The following CNTN6 variants were observed in gnomAD, a reference collection of about 807,000 sequenced individuals.
The protein encoded by CNTN6 is contactin-6.
CNTN6 carries 137 observed loss-of-function variants against 122.8 expected under a neutral mutation model. That is an observed-to-expected ratio of 1.12 (90% CI 0.97 to 1.29). CNTN6 has a LOEUF of 1.29. Ranked by LOEUF, CNTN6 falls within the 50% of genes most tolerant of loss-of-function variation. The pLI is 0.00. For synonymous variants in CNTN6, 570 were observed against 426.0 expected (o/e 1.34, Z -4.16); for missense variants, 1,634 against 1,223.4 (o/e 1.34, Z -5.01).
At chr3:1,128,237 C>A (rs769245878) in intron 1 of CNTN6, 1 of 151,968 alleles carries the variant, frequency 6.6e-6, no homozygotes, top group Non-Finnish European at 1.5e-5. Context: ...ACTTCTGCAT[C>A]ATAAATGTGA....
intron 1 of CNTN6, among the ~76,000 whole-genome samples, chr3:1,134,106 G>C (rs4381919): frequency 0.48 from 72,872 of 151,624 alleles, 17,698 homozygotes; most frequent in Non-Finnish European, 0.5. Context: ...GAAGTCAAAA[G>C]ATCTGGGTAC....
At chr3:1,217,879 T>C (rs556137699) in intron 2 of CNTN6, among the ~76,000 whole-genome samples, 1 of 152,194 alleles carries the variant, frequency 6.6e-6, no homozygotes, top group Non-Finnish European at 1.5e-5. Context: ...GGAAGAAATA[T>C]TTTGGTTTCT....
At chr3:1,158,147 C>CAATG (rs1252997061) in intron 2 of CNTN6, among the ~76,000 whole-genome samples, 1 of 152,130 alleles carries the variant, frequency 6.6e-6, no homozygotes, top group Non-Finnish European at 1.5e-5. Context: ...ACATTCTCAC[C>CAATG]AATGGTGTAT....
At chr3:1,172,277 T>C (rs1365975769) in intron 2 of CNTN6, among the ~76,000 whole-genome samples, 1 of 152,182 alleles carries the variant, frequency 6.6e-6, no homozygotes, top group African/African-American at 2.4e-5. Flanking sequence ...CAGGATTATA[T>C]TGCCCTCTGC....
At chr3:1,309,755 A>G (rs189393747) in intron 7 of CNTN6, among the ~76,000 whole-genome samples, 2 of 152,318 alleles carry the variant, frequency 1.3e-5, no homozygotes, top group African/African-American at 4.8e-5. Context: ...GAGTCTTTTC[A>G]TCCATGAACA....
At chr3:1,206,048 A>G (rs1040939294) in intron 2 of CNTN6, among the ~76,000 whole-genome samples, 3 of 152,172 alleles carry the variant, frequency 2.0e-5, no homozygotes, top group Admixed American at 6.5e-5. Context: ...AGAGTCATTG[A>G]AAGGCAGGGT....
intron 7 of CNTN6, among the ~76,000 whole-genome samples, chr3:1,309,297 C>T (rs760169029): frequency 9.2e-5 from 14 of 152,064 alleles, no homozygotes; most frequent in Non-Finnish European, 1.3e-4. Context: ...GTCCATTTTG[C>T]ATTAATTTTT....
chr3:1,366,307 C>T (rs1241869161), intron 12 of CNTN6, among the ~76,000 whole-genome samples: 3 of 152,090 alleles, frequency 2.0e-5, no homozygotes, highest in African/African-American at 2.4e-5. Flanking sequence ...TAGAGTCTAG[C>T]GTAGTCAACA....
intron 12 of CNTN6, among the ~76,000 whole-genome samples, chr3:1,369,437 T>C (rs112126949): frequency 0.011 from 1,580 of 150,234 alleles, 25 homozygotes; most frequent in African/African-American, 0.036. Context: ...GTACTTAGCA[T>C]AGGATTGGAC....
At chr3:1,316,540 C>T (rs572131332) in intron 7 of CNTN6, among the ~76,000 whole-genome samples, 78 of 151,864 alleles carry the variant, frequency 5.1e-4, no homozygotes, top group Admixed American at 9.2e-4. Context: ...CAGTCACCTC[C>T]CACCAGATCC....
At chr3:1,304,197 T>C (rs1427357367) in intron 7 of CNTN6, among the ~76,000 whole-genome samples, 6 of 152,140 alleles carry the variant, frequency 3.9e-5, no homozygotes, top group Non-Finnish European at 7.4e-5. Context: ...ACACAGAAAA[T>C]AAGGGCTACC....
In CNTN6 at chr3:1,321,944, A is replaced by G. The variant is rs1013948085; in HGVS notation, c.946+110A>G. On this transcript the variant is annotated intron_variant, in intron 8 of 22. Coordinates refer to ENST00000446702, the MANE Select transcript of CNTN6 (RefSeq NM_001289080.2). ...AAAAGTGTCACGGGAGAAATAAGGA[A>G]GGCATATTTCCGGGTTTAGATGCTT... 6.4e-6 allele frequency: 6 copies of G among 943,838 alleles called. No individual in the cohort carries two copies. The Admixed American group carries it at 1.7e-4, about 26-fold the overall frequency. 58.5% of individuals were successfully genotyped at this position (943,838 alleles called of 1,614,324 possible). A position where few individuals can be genotyped will look rare whatever the true frequency, so the allele number is the denominator to read the frequency against.
At chr3:1,387,970 C>G (rs983704718) in intron 20 of CNTN6, among the ~76,000 whole-genome samples, 1 of 152,042 alleles carries the variant, frequency 6.6e-6, no homozygotes, top group African/African-American at 2.4e-5. Flanking sequence ...TGCAAGGCGG[C>G]AGCGAGGCTG....
chr3:1,236,155 C>T (rs1267607397), intron 4 of CNTN6, among the ~76,000 whole-genome samples: 1 of 152,080 alleles, frequency 6.6e-6, no homozygotes, highest in African/African-American at 2.4e-5. Flanking sequence ...AGACAAAAGT[C>T]ATAATGTCTT....
chr3:1,295,138 T>G (rs1695988019), intron 5 of CNTN6, among the ~76,000 whole-genome samples: 1 of 152,126 alleles, frequency 6.6e-6, no homozygotes, highest in African/African-American at 2.4e-5. Context: ...AACTTCAAGG[T>G]CTGTGGTAGA....
chr3:1,348,708 C>T lies in CNTN6; in HGVS notation c.1365-3616C>T, dbSNP rs7637174. On this transcript the variant is annotated intron_variant, in intron 11 of 22. Transcript: ENST00000446702. ...CGGAACTTGCTAAAATAAGTGTTTTCTGGTCTGAAGAAAGATATGGTTAGA... is the reference window on the plus strand; with the variant it reads ...CGGAACTTGCTAAAATAAGTGTTTTTTGGTCTGAAGAAAGATATGGTTAGA... Among the ~76,000 whole-genome samples, 362 of 152,010 alleles carry T rather than the reference C, an allele frequency of 2.4e-3. 1 individual carries two copies. Among genetic ancestry groups the T allele is most frequent in the Middle Eastern group, 6.8e-3 (2 of 294 alleles).
At chr3:1,167,695 A>G (rs371906109) in intron 2 of CNTN6, among the ~76,000 whole-genome samples, 1 of 152,162 alleles carries the variant, frequency 6.6e-6, no homozygotes, top group East Asian at 1.9e-4. Context: ...AGCTTGCCCC[A>G]AGGTACAGAG....
At chr3:1,275,614 A>G (rs901533227) in intron 4 of CNTN6, among the ~76,000 whole-genome samples, 1 of 152,202 alleles carries the variant, frequency 6.6e-6, no homozygotes, top group African/African-American at 2.4e-5. Context: ...GTATATGCTT[A>G]TAAATCCCAT....
intron 2 of CNTN6, among the ~76,000 whole-genome samples, chr3:1,200,035 A>G (rs567440310): frequency 6.1e-4 from 93 of 152,216 alleles, no homozygotes; most frequent in Non-Finnish European, 1.0e-3. Context: ...TTTTAGACAT[A>G]TATATATGTC....
Sources: gnomAD v4.1 joint callset for allele counts (sites outside exome capture counted in the v4.1 genomes callset) on GRCh38, gnomAD v4.1.1 for gene constraint, MANE v1.5 for transcripts, NCBI Gene and HGNC (gene_info 2026-07-23, HGNC 2026-07-21) for gene names.